The following SBF2 variants were observed in gnomAD, a reference collection of about 807,000 sequenced individuals.
The protein encoded by SBF2 is myotubularin-related protein 13.
In SBF2, 112 loss-of-function variants were observed where a neutral mutation model predicts 225.2. The ratio of observed to expected loss-of-function variants is 0.50; its 90% CI spans 0.43 to 0.58. The LOEUF (loss-of-function observed/expected upper bound fraction) is 0.58. Among genes scored for constraint, SBF2 ranks in the 20% least tolerant of loss-of-function variants. The pLI is 0.00. For missense variants in SBF2, 1,996 were observed against 2,206.2 expected (o/e 0.90, Z 1.91); for synonymous variants, 763 against 773.3 (o/e 0.99, Z 0.22).
At chr11:10,152,687 G>A (rs1955266488) in intron 2 of SBF2, among the ~76,000 whole-genome samples, 1 of 152,126 alleles carries the variant, frequency 6.6e-6, no homozygotes, top group African/African-American at 2.4e-5. Flanking sequence ...ACTCAAAGGT[G>A]AGAACAATGA....
chr11:10,152,272 C>A (rs1381739227), intron 2 of SBF2, among the ~76,000 whole-genome samples: 1 of 152,076 alleles, frequency 6.6e-6, no homozygotes, highest in African/African-American at 2.4e-5. Context: ...CCATATAGGC[C>A]GGGAGCGGTG....
Position 9,809,010 on chromosome 11 carries a change from A to G in SBF2, c.4156-8T>C. 1 of 1,609,562 alleles carries G rather than the reference A, an allele frequency of 6.2e-7. No individual in the cohort carries two copies. Among genetic ancestry groups the G allele is most frequent in the South Asian group, 1.1e-5 (1 of 91,002 alleles). On this transcript the variant is annotated splice_region_variant and splice_polypyrimidine_tract_variant and intron_variant, in intron 30 of 39. Coordinates refer to ENST00000256190, the MANE Select transcript of SBF2 (RefSeq NM_030962.4). ...CTGCATTATCCTGTGAAGCTAAGAG[A>G]CAGGAAGGAGAACACAATTAGACCA...
At chr11:10,235,568 G>T (rs1959037943) in intron 1 of SBF2, among the ~76,000 whole-genome samples, 1 of 150,152 alleles carries the variant, frequency 6.7e-6, no homozygotes. Context: ...TGAGAACCTT[G>T]ACCAACACTA....
At chr11:10,095,948 A>G (rs957649320) in intron 2 of SBF2, among the ~76,000 whole-genome samples, 1 of 152,298 alleles carries the variant, frequency 6.6e-6, no homozygotes, top group African/African-American at 2.4e-5. Flanking sequence ...TGTTATTTTT[A>G]TTTCAACCTG....
intron 16 of SBF2, among the ~76,000 whole-genome samples, chr11:9,904,728 T>C (rs1195796126): frequency 4.6e-5 from 7 of 152,214 alleles, no homozygotes; most frequent in African/African-American, 1.2e-4. Context: ...TACTGGTCCA[T>C]AAAATAAGTA....
intron 16 of SBF2, among the ~76,000 whole-genome samples, chr11:9,945,483 C>G (rs1190568414): frequency 6.6e-6 from 1 of 152,110 alleles, no homozygotes; most frequent in East Asian, 1.9e-4. Flanking sequence ...AGACCTAAAA[C>G]TATAAAAACC....
At chr11:9,885,251 C>CAAAAAAA (rs71453937) in intron 17 of SBF2, among the ~76,000 whole-genome samples, 3 of 38,274 alleles carry the variant, frequency 7.8e-5, no homozygotes, top group South Asian at 1.7e-3. Flanking sequence ...ACTTTTCCTC[C>CAAAAAAA]AAAAAAAAAA....
intron 2 of SBF2, among the ~76,000 whole-genome samples, chr11:10,150,209 A>G (rs1955108383): frequency 6.6e-6 from 1 of 152,224 alleles, no homozygotes; most frequent in Non-Finnish European, 1.5e-5. Flanking sequence ...AGAATACTAA[A>G]TAAATGAAGT....
intron 32 of SBF2, among the ~76,000 whole-genome samples, chr11:9,805,745 C>A (rs1243455018): frequency 6.6e-6 from 1 of 152,176 alleles, no homozygotes; most frequent in African/African-American, 2.4e-5. Flanking sequence ...GCTTCAGCCT[C>A]CCAAGTAGCT....
chr11:10,023,542 CT>C (rs1948936925), intron 6 of SBF2, among the ~76,000 whole-genome samples: 1 of 152,194 alleles, frequency 6.6e-6, no homozygotes, highest in Admixed American at 6.5e-5. Flanking sequence ...GGCCCTATCC[CT>C]CGAGCCCCTT....
At chr11:9,870,758 A>G (rs1203450616) in intron 17 of SBF2, among the ~76,000 whole-genome samples, 1 of 152,066 alleles carries the variant, frequency 6.6e-6, no homozygotes. Context: ...GGTGGAGCAC[A>G]AAGTCAGGAG....
intron 1 of SBF2, among the ~76,000 whole-genome samples, chr11:10,235,294 G>T (rs1382454603): frequency 6.6e-6 from 1 of 152,124 alleles, no homozygotes; most frequent in Non-Finnish European, 1.5e-5. Flanking sequence ...CAACACTTTG[G>T]GAGGCCAAGG....
intron 17 of SBF2, among the ~76,000 whole-genome samples, chr11:9,868,366 A>AAAAAAAAAAAAAG (rs1554933292): frequency 3.6e-4 from 41 of 114,910 alleles, no homozygotes; most frequent in South Asian, 8.4e-4. Context: ...AAAAAAAAAA[A>AAAAAAAAAAAAAG]AATTAGGCGG....
At chr11:9,981,647 C>A (rs987938316) in intron 13 of SBF2, among the ~76,000 whole-genome samples, 1 of 152,008 alleles carries the variant, frequency 6.6e-6, no homozygotes. Flanking sequence ...ATATTTTAAT[C>A]TTTGGATGCC....
chr11:10,240,903 A>G (rs533441268), intron 1 of SBF2, among the ~76,000 whole-genome samples: 1 of 152,350 alleles, frequency 6.6e-6, no homozygotes, highest in African/African-American at 2.4e-5. Flanking sequence ...AAGTTTGATT[A>G]TTTGCATAAG....
At chr11:10,000,278 A>T (rs1374959119) in intron 8 of SBF2, among the ~76,000 whole-genome samples, 3 of 152,218 alleles carry the variant, frequency 2.0e-5, no homozygotes, top group Non-Finnish European at 4.4e-5. Flanking sequence ...TTATTACCTG[A>T]GAAAATTTCC....
At chr11:9,795,247 C>A (rs775373574) in intron 33 of SBF2, among the ~76,000 whole-genome samples, 13 of 152,152 alleles carry the variant, frequency 8.5e-5, no homozygotes, top group Non-Finnish European at 1.8e-4. Flanking sequence ...ATTTATTGAG[C>A]GCTTACTATG....
In SBF2 at chr11:10,253,267, G is replaced by A. The variant is rs187324262; in HGVS notation, c.55+40748C>T. 1.5e-3 allele frequency among the ~76,000 whole-genome samples: 235 copies of A among 151,744 alleles called. 1 individual carries two copies. Among genetic ancestry groups the A allele is most frequent in the Admixed American group, 3.1e-3 (47 of 15,242 alleles). On this transcript the variant is annotated intron_variant, in intron 1 of 39. Coordinates refer to ENST00000256190, the MANE Select transcript of SBF2 (RefSeq NM_030962.4). Reference sequence around the variant, plus strand: ...CTACAGATCTGACTTTTTAAACTATGTGCATATATAATATAATGAAAATAA... The same window carrying A: ...CTACAGATCTGACTTTTTAAACTATATGCATATATAATATAATGAAAATAA...
chr11:9,826,317 T>C (rs1360192815), intron 28 of SBF2, among the ~76,000 whole-genome samples: 2 of 152,202 alleles, frequency 1.3e-5, no homozygotes, highest in Non-Finnish European at 2.9e-5. Context: ...GGTTCAATTC[T>C]GTGGAGTGTT....
Sources: gnomAD v4.1 joint callset for allele counts (sites outside exome capture counted in the v4.1 genomes callset) on GRCh38, gnomAD v4.1.1 for gene constraint, MANE v1.5 for transcripts, NCBI Gene and HGNC (gene_info 2026-07-23, HGNC 2026-07-21) for gene names.